Variants in HDAC9 observed in about 807,000 individuals in gnomAD.
The protein encoded by HDAC9 is MEF-2 interacting transcription repressor (MITR) protein.
HDAC9 carries 41 observed loss-of-function variants against 139.4 expected under a neutral mutation model. The observed-to-expected ratio is 0.29, with a 90% CI of 0.23 to 0.38. The LOEUF (loss-of-function observed/expected upper bound fraction) is 0.38. Among genes scored for constraint, HDAC9 ranks in the 10% least tolerant of loss-of-function variants. The pLI is 1.00. For missense variants in HDAC9, 1,147 were observed against 1,297.0 expected (o/e 0.88, Z 1.78); for synonymous variants, 517 against 476.2 (o/e 1.09, Z -1.12).
intron 21 of HDAC9, among the ~76,000 whole-genome samples, chr7:18,850,612 G>T (rs531252967): frequency 7.9e-5 from 12 of 152,232 alleles, no homozygotes; most frequent in Admixed American, 2.0e-4. Flanking sequence ...AAATCACACA[G>T]GAAATTATTC....
intron 7 of HDAC9, 24 bp downstream of exon 7, chr7:18,629,505 A>G (rs1781675901): frequency 5.0e-6 from 8 of 1,600,712 alleles, no homozygotes; most frequent in African/African-American, 1.3e-5. Flanking sequence ...GGGCAGACCT[A>G]TGAATGCTGG....
intron 1 of HDAC9, among the ~76,000 whole-genome samples, chr7:18,365,758 A>G (rs1332933572): frequency 1.3e-5 from 2 of 152,078 alleles, no homozygotes; most frequent in South Asian, 2.1e-4. Context: ...ACTACTTTTT[A>G]GCTATGCCTT....
At chr7:18,845,988 C>T (rs1403294131) in intron 21 of HDAC9, among the ~76,000 whole-genome samples, 2 of 152,088 alleles carry the variant, frequency 1.3e-5, no homozygotes, top group East Asian at 1.9e-4. Flanking sequence ...TCACAAGGGC[C>T]GTAGTGGGCT....
intron 25 of HDAC9, among the ~76,000 whole-genome samples, chr7:18,990,399 G>T (rs560793638): frequency 6.6e-6 from 1 of 152,358 alleles, no homozygotes; most frequent in African/African-American, 2.4e-5. Context: ...GAGGCAGTCT[G>T]CCCGTTTTCA....
chr7:18,593,199 G>A (rs1831475833), intron 5 of HDAC9, among the ~76,000 whole-genome samples: 1 of 151,978 alleles, frequency 6.6e-6, no homozygotes, highest in Non-Finnish European at 1.5e-5. Context: ...CATTGTGATG[G>A]TGATACTATG....
intron 11 of HDAC9, among the ~76,000 whole-genome samples, chr7:18,649,868 T>C (rs1385831125): frequency 6.6e-6 from 1 of 152,056 alleles, no homozygotes; most frequent in East Asian, 1.9e-4. Context: ...CAAAAGTATG[T>C]GTGGGATTGG....
In HDAC9 at chr7:18,727,851, C is replaced by G. The variant is rs184698151; in HGVS notation, c.1909+94C>G. On this transcript the variant is annotated intron_variant, in intron 13 of 25. Transcript: ENST00000686413. ...TAAATGCTCTGAATAACTCCAATAG[C>G]AGAACACTCCATTTTAACCCAGTGC... 170 of 1,000,192 alleles carry G rather than the reference C, an allele frequency of 1.7e-4. 1 individual carries two copies. The African/African-American group carries it at 2.5e-3, about 15-fold the overall frequency. 62.0% of individuals were successfully genotyped at this position (1,000,192 alleles called of 1,614,324 possible).
intron 11 of HDAC9, among the ~76,000 whole-genome samples, chr7:18,655,087 T>C (rs1790667844): frequency 6.6e-6 from 1 of 152,170 alleles, no homozygotes; most frequent in South Asian, 2.1e-4. Flanking sequence ...GAAATGCAAA[T>C]GTTGGCATCT....
chr7:18,692,678 TACTTTC>T (rs1359117561), intron 12 of HDAC9, among the ~76,000 whole-genome samples: 5 of 152,146 alleles, frequency 3.3e-5, no homozygotes, highest in Admixed American at 1.3e-4. Flanking sequence ...TAGTATATAA[TACTTTC>T]TCACATCATG....
rs149609129 is a variant in HDAC9 at position 18,412,119 on chromosome 7, C to T, written c.-41-84143C>T. ...CTGGGATTACAGGTGTGAGCCACTG[C>T]GCCCAGCCTCAACTTGCTGTATTTT... On this transcript the variant is annotated intron_variant, in intron 1 of 3. Coordinates refer to the HDAC9 transcript ENST00000413509. Among the ~76,000 whole-genome samples the T allele has an allele frequency of 3.6e-3, 546 of 152,070 alleles. 4 individuals are homozygous for T. The highest frequency in any genetic ancestry group is 0.012 in the African/African-American group (504 of 41,474).
At chr7:18,732,490 T>G (rs1022608509) in intron 13 of HDAC9, among the ~76,000 whole-genome samples, 4 of 151,404 alleles carry the variant, frequency 2.6e-5, no homozygotes, top group African/African-American at 9.7e-5. Context: ...TGTATATATG[T>G]GTATATATGT....
intron 1 of HDAC9, among the ~76,000 whole-genome samples, chr7:18,100,446 T>G (rs1401203382): frequency 6.6e-6 from 1 of 152,174 alleles, no homozygotes; most frequent in African/African-American, 2.4e-5. Context: ...GCATGTATAT[T>G]AGGATCACTG....
intron 1 of HDAC9, among the ~76,000 whole-genome samples, chr7:18,425,754 C>G (rs1488775141): frequency 6.6e-6 from 1 of 152,162 alleles, no homozygotes; most frequent in Non-Finnish European, 1.5e-5. Context: ...TCCTAGCAGG[C>G]TTCGTGCAAG....
chr7:18,821,863 C>G (rs1471119856), intron 17 of HDAC9, among the ~76,000 whole-genome samples: 1 of 152,050 alleles, frequency 6.6e-6, no homozygotes, highest in Non-Finnish European at 1.5e-5. Flanking sequence ...TTTGATTATG[C>G]TAGGATAACT....
intron 1 of HDAC9, among the ~76,000 whole-genome samples, chr7:18,346,741 C>T (rs1207792383): frequency 6.6e-6 from 1 of 152,072 alleles, no homozygotes; most frequent in African/African-American, 2.4e-5. Context: ...TCCACAATTA[C>T]AATAGACACT....
intron 17 of HDAC9, among the ~76,000 whole-genome samples, chr7:18,805,394 C>T (rs1793625002): frequency 6.6e-6 from 1 of 152,198 alleles, no homozygotes; most frequent in Admixed American, 6.5e-5. Context: ...AATACTCAGG[C>T]TTGTCACCTG....
intron 12 of HDAC9, among the ~76,000 whole-genome samples, chr7:18,726,106 T>A (rs2129127843): frequency 6.6e-6 from 1 of 152,380 alleles, no homozygotes; most frequent in African/African-American, 2.4e-5. Context: ...TGTAATTAAA[T>A]CTATATTTAT....
intron 1 of HDAC9, among the ~76,000 whole-genome samples, chr7:18,416,965 CT>C (rs1400962600): frequency 6.6e-6 from 1 of 151,910 alleles, no homozygotes; most frequent in African/African-American, 2.4e-5. Flanking sequence ...GCTTCTTGTG[CT>C]TGGGGTTCGC....
chr7:18,414,234 G>A (rs1788837241), intron 1 of HDAC9, among the ~76,000 whole-genome samples: 1 of 151,836 alleles, frequency 6.6e-6, no homozygotes, highest in South Asian at 2.1e-4. Flanking sequence ...TTTGTTAAAG[G>A]AAATATCCTA....
Sources: gnomAD v4.1 joint callset for allele counts (sites outside exome capture counted in the v4.1 genomes callset) on GRCh38, gnomAD v4.1.1 for gene constraint, MANE v1.5 for transcripts, NCBI Gene and HGNC (gene_info 2026-07-23, HGNC 2026-07-21) for gene names.